The following PCDHGB4 variants were observed in gnomAD, a reference collection of about 807,000 sequenced individuals.
The protein encoded by PCDHGB4 is protocadherin gamma subfamily B, 4.
A neutral mutation model predicts 60.5 loss-of-function variants in PCDHGB4; 38 were observed. That is an observed-to-expected ratio of 0.63 (90% CI 0.48 to 0.82). The LOEUF (loss-of-function observed/expected upper bound fraction) is 0.82. Among genes scored for constraint, PCDHGB4 ranks in the 40% least tolerant of loss-of-function variants. The pLI, the probability that PCDHGB4 is intolerant of heterozygous loss-of-function variation, is 0.00. For missense variants in PCDHGB4, 1,109 were observed against 1,209.6 expected, an observed-to-expected ratio of 0.92 and a Z score of 1.23; for synonymous variants, 456 against 509.7, an observed-to-expected ratio of 0.89 and a Z score of 1.42.
intron 1 of PCDHGB4, among the ~76,000 whole-genome samples, chr5:141,429,903 T>C (rs1276564046): frequency 2.0e-5 from 3 of 152,252 alleles, no homozygotes; most frequent in African/African-American, 7.2e-5. Flanking sequence ...TAAATATTTT[T>C]GAAATATAAT....
Position 141,389,972 on chromosome 5 carries a change from GA to G in PCDHGB4, c.2089del (p.Ile697SerfsTer9). On this transcript the variant is annotated frameshift_variant, in exon 1 of 4. Transcript: ENST00000519479. LOFTEE classifies it high-confidence loss of function. ...QFYLVVALAL[I>X]SVLFLVAMIL... ...TTTACCTAGTGGTGGCCTTGGCCTT[GA>G]TCTCAGTGCTCTTCCTCGTGGCCAT... 1 of 1,614,056 alleles carries G rather than the reference GA, an allele frequency of 6.2e-7. No individual in the cohort carries two copies. The highest frequency in any genetic ancestry group is 2.2e-5 in the East Asian group (1 of 44,880).
chr5:141,408,717 T>C lies in PCDHGB4; in HGVS notation c.2397+18436T>C, dbSNP rs774691298. ...ATAAACTCAATTAAAGATTATAAGA[T>C]AAACTCTAATCCTTATTTTTCATTA... is the stretch of plus-strand genomic sequence containing the variant. On this transcript the variant is annotated intron_variant, in intron 1 of 3. Transcript: ENST00000519479. The C allele has an allele frequency of 1.9e-6, 3 of 1,611,662 alleles. No individual in the cohort carries two copies. In the South Asian group the frequency reaches 3.3e-5, roughly 18 times the overall value.
intron 1 of PCDHGB4, chr5:141,420,931 AATC>A: frequency 2.7e-6 from 1 of 369,128 alleles, no homozygotes; most frequent in African/African-American, 2.1e-5. Context: ...AGGTGAGCGT[AATC>A]ATTTCTTCTG....
chr5:141,482,981 AGG>A (rs2099575420), intron 1 of PCDHGB4, among the ~76,000 whole-genome samples: 1 of 150,250 alleles, frequency 6.7e-6, no homozygotes, highest in African/African-American at 2.5e-5. Context: ...GCTACTTGAG[AGG>A]TCGAGGCAGG....
intron 1 of PCDHGB4, chr5:141,412,984 C>A: frequency 1.8e-6 from 1 of 558,874 alleles, no homozygotes; most frequent in Non-Finnish European, 3.0e-6. Context: ...GCAGCCAGAG[C>A]TCAATCCGGA....
intron 2 of PCDHGB4, among the ~76,000 whole-genome samples, chr5:141,505,119 G>A (rs371973470): frequency 3.1e-4 from 47 of 152,210 alleles, no homozygotes; most frequent in African/African-American, 1.0e-3. Flanking sequence ...CCAAGATCGC[G>A]CCACTGCACT....
Position 141,476,443 on chromosome 5 carries a change from G to A in PCDHGB4, c.2398-18364G>A, listed in dbSNP as rs752285213. 1 of 1,614,044 alleles carries A rather than the reference G, an allele frequency of 6.2e-7. No individual in the cohort carries two copies. The highest frequency in any genetic ancestry group is 8.5e-7 in the Non-Finnish European group (1 of 1,180,038). ...TGCCCTCTTGCACTGTAACTCTGGAGTTGGTAGTGGAGAACCCGCTGGAGC... is the reference window on the plus strand; with the variant it reads ...TGCCCTCTTGCACTGTAACTCTGGAATTGGTAGTGGAGAACCCGCTGGAGC... On this transcript the variant is annotated intron_variant, in intron 1 of 3. Transcript: ENST00000519479. This position sits in a 1 kb window ranked among gnomAD's most constrained non-coding sequence, Gnocchi z 7.6.
intron 2 of PCDHGB4, among the ~76,000 whole-genome samples, chr5:141,497,671 C>T (rs1026356633): frequency 6.6e-5 from 10 of 151,878 alleles, no homozygotes; most frequent in African/African-American, 2.4e-4. Flanking sequence ...TCCCGAGTAG[C>T]TGGGACAGCA....
At chr5:141,505,579 G>A (rs1047837546) in intron 3 of PCDHGB4, 98 bp downstream of exon 3, 6 of 1,588,858 alleles carry the variant, frequency 3.8e-6, no homozygotes, top group Non-Finnish European at 4.3e-6. Flanking sequence ...TCAAACCTGT[G>A]TAGTTTCTCC....
intron 2 of PCDHGB4, among the ~76,000 whole-genome samples, chr5:141,504,506 A>T (rs575756846): frequency 1.3e-5 from 2 of 152,096 alleles, no homozygotes; most frequent in African/African-American, 4.8e-5. Context: ...GTCTGAGTGG[A>T]TCTCCTCTGA....
rs369402592 is a variant in PCDHGB4, at chr5:141,389,034, T to C, written c.1150T>C (p.Leu384=). Residue 384 remains leucine (L), a synonymous_variant, in exon 1 of 4, where the codon TTG becomes CTG. Transcript: ENST00000519479. ...SRHNGEVTCK[L]EGDVPFKILT... ...ACACAATGGAGAAGTGACTTGTAAA[T>C]TGGAAGGTGATGTTCCATTTAAAAT... 2.1e-5 allele frequency: 34 copies of C among 1,613,840 alleles called. No individual in the cohort carries two copies. Among genetic ancestry groups the C allele is most frequent in the East Asian group, 4.5e-5 (2 of 44,898 alleles).
intron 1 of PCDHGB4, chr5:141,415,337 G>A: frequency 1.2e-6 from 2 of 1,614,210 alleles, no homozygotes; most frequent in Non-Finnish European, 1.7e-6. Flanking sequence ...CACAGGCTGC[G>A]GCGCTGGCAC....
chr5:141,485,654 G>A lies in PCDHGB4; in HGVS notation c.2398-9153G>A, dbSNP rs2099617203. 6.2e-7 allele frequency: 1 copy of A among 1,612,482 alleles called. No individual in the cohort carries two copies. The highest frequency in any genetic ancestry group is 8.5e-7 in the Non-Finnish European group (1 of 1,178,842). On this transcript the variant is annotated intron_variant, in intron 1 of 3. Coordinates refer to ENST00000519479, the MANE Select transcript of PCDHGB4 (RefSeq NM_003736.4). The surrounding 1 kb of genome is among the most constrained non-coding windows in gnomAD (Gnocchi z 5.7). ...CCCGTTGGAAAAGGCTCAGGATGCA[G>A]ATGTGGGGAGCAATTCGATTAGCAG... is the stretch of plus-strand genomic sequence containing the variant.
chr5:141,432,974 C>T lies in PCDHGB4; in HGVS notation c.2397+42693C>T. ...CGGCTTGACAGGAGCGCCGGCGTCG[C>T]ACTTTGTGGGCGTGGACGGGGTGCA... On this transcript the variant is annotated intron_variant, in intron 1 of 3. Coordinates refer to ENST00000519479, the MANE Select transcript of PCDHGB4 (RefSeq NM_003736.4). This position sits in a 1 kb window ranked among gnomAD's most constrained non-coding sequence, Gnocchi z 6.0. 6.2e-7 allele frequency: 1 copy of T among 1,614,204 alleles called. No individual in the cohort carries two copies. Among genetic ancestry groups the T allele is most frequent in the Non-Finnish European group, 8.5e-7 (1 of 1,180,030 alleles).
At chr5:141,422,576 C>T in intron 1 of PCDHGB4, 1 of 1,614,034 alleles carries the variant, frequency 6.2e-7, no homozygotes, top group South Asian at 1.1e-5. Context: ...AACGATAACC[C>T]TCCCGTTTTT....
chr5:141,474,407 G>A (rs1431210575), intron 1 of PCDHGB4, among the ~76,000 whole-genome samples: 2 of 152,230 alleles, frequency 1.3e-5, no homozygotes, highest in East Asian at 1.9e-4. Flanking sequence ...GCTCCCCGGT[G>A]ATGCCTAGAC....
Position 141,490,909 on chromosome 5 carries a change from G to C in PCDHGB4, c.2398-3898G>C. ...ATCTCTGCATGTGTTTGTCCTAGAC[G>C]AGAATGATAATGCCCCAGCTGTGCT... On this transcript the variant is annotated intron_variant, in intron 1 of 3. Coordinates refer to ENST00000519479, the MANE Select transcript of PCDHGB4 (RefSeq NM_003736.4). This position sits in a 1 kb window ranked among gnomAD's most constrained non-coding sequence, Gnocchi z 5.4. 1 of 1,613,744 alleles carries C rather than the reference G, an allele frequency of 6.2e-7. No individual in the cohort carries two copies. The highest frequency in any genetic ancestry group is 2.2e-5 in the East Asian group (1 of 44,870).
rs1292277026 is a variant in PCDHGB4 at position 141,489,814 on chromosome 5, CCA to C, written c.2398-4992_2398-4991del. 6 of 1,614,024 alleles carry C rather than the reference CCA, an allele frequency of 3.7e-6. No homozygotes were observed. Among genetic ancestry groups the C allele is most frequent in the Non-Finnish European group, 8.5e-7 (1 of 1,180,004 alleles). ...GACCCTAAAAGATGGGAAGCCATTC[CCA>C]GAGCTGGTGCTAGAGCAGCAGCTGG... On this transcript the variant is annotated intron_variant, in intron 1 of 3. Transcript: ENST00000519479. This position sits in a 1 kb window ranked among gnomAD's most constrained non-coding sequence, Gnocchi z 4.5.
intron 1 of PCDHGB4, chr5:141,415,073 C>G: frequency 1.9e-6 from 3 of 1,613,434 alleles, no homozygotes; most frequent in Non-Finnish European, 2.5e-6. Flanking sequence ...GTGCGCACGG[C>G]GCGAGCCCTG....
Sources: gnomAD v4.1 joint callset for allele counts (sites outside exome capture counted in the v4.1 genomes callset) on GRCh38, gnomAD v4.1.1 for gene constraint, Gnocchi (gnomAD v3.1) non-coding constraint, MANE v1.5 for transcripts, NCBI Gene and HGNC (gene_info 2026-07-23, HGNC 2026-07-21) for gene names.